Variants in DDX10 observed in about 807,000 individuals in gnomAD.
The protein encoded by DDX10 is DEAD-box helicase 10, also known as probable ATP-dependent RNA helicase DDX10.
Under a neutral mutation model 104.3 loss-of-function variants are expected in DDX10, and 74 were observed. The observed-to-expected ratio is 0.71, with a 90% CI of 0.59 to 0.86. The LOEUF (loss-of-function observed/expected upper bound fraction) is 0.86. DDX10 is among the 40% of genes least tolerant of loss of function. The pLI is 0.00. For synonymous variants in DDX10, 351 were observed against 353.4 expected (o/e 0.99, Z 0.08); for missense variants, 952 against 1,040.0 (o/e 0.92, Z 1.16).
At chr11:108,798,160 A>G (rs1025029074) in intron 13 of DDX10, among the ~76,000 whole-genome samples, 6 of 152,172 alleles carry the variant, frequency 3.9e-5, no homozygotes, top group African/African-American at 1.4e-4. Flanking sequence ...ATACTTACAG[A>G]AGAAAGGACT....
chr11:108,814,059 G>A (rs1434569871), intron 13 of DDX10, among the ~76,000 whole-genome samples: 1 of 152,068 alleles, frequency 6.6e-6, no homozygotes, highest in Non-Finnish European at 1.5e-5. Flanking sequence ...TCCACTGTAA[G>A]GGTTTATTTT....
chr11:108,838,385 A>G (rs1862585717), intron 13 of DDX10, 61 bp from the exon 14 acceptor site: 2 of 1,549,762 alleles, frequency 1.3e-6, no homozygotes, highest in Non-Finnish European at 1.7e-6. Flanking sequence ...CCAGAGTTGG[A>G]TTGTTAATAT....
intron 13 of DDX10, among the ~76,000 whole-genome samples, chr11:108,832,599 T>C (rs761975919): frequency 3.3e-5 from 5 of 152,180 alleles, no homozygotes; most frequent in Non-Finnish European, 7.4e-5. Flanking sequence ...AACTTAAAAC[T>C]TCCCCGAGGT....
intron 13 of DDX10, among the ~76,000 whole-genome samples, chr11:108,821,821 A>G (rs1040445166): frequency 1.3e-5 from 2 of 152,250 alleles, no homozygotes; most frequent in African/African-American, 4.8e-5. Flanking sequence ...ACCATTTTAG[A>G]TAAAAGGAAT....
intron 16 of DDX10, among the ~76,000 whole-genome samples, chr11:108,902,769 A>G (rs1863534889): frequency 6.6e-6 from 1 of 151,880 alleles, no homozygotes. Flanking sequence ...TTTCCTTTCT[A>G]ATTTTTCTCT....
At chr11:108,933,567 A>G (rs1195381444) in intron 17 of DDX10, among the ~76,000 whole-genome samples, 2 of 152,198 alleles carry the variant, frequency 1.3e-5, no homozygotes, top group African/African-American at 2.4e-5. Flanking sequence ...ATCTTTTTAT[A>G]ATCTTAAAAG....
chr11:108,715,695 G>C lies in DDX10; in HGVS notation c.1323-184G>C, dbSNP rs183476081. On this transcript the variant is annotated intron_variant, in intron 10 of 17. Transcript: ENST00000322536. ...GTCTGACATGTCATTTCTTTCTCCT[G>C]TGTTATTCATAGTAGGTAAGAGTGT... Among the ~76,000 whole-genome samples, 3 of 152,292 alleles carry C rather than the reference G, an allele frequency of 2.0e-5. No individual in the cohort carries two copies. In the East Asian group the frequency reaches 5.8e-4, roughly 29 times the overall value.
Position 108,678,429 on chromosome 11 carries a change from A to G in DDX10, c.652A>G (p.Met218Val). 1.3e-6 allele frequency: 2 copies of G among 1,589,112 alleles called. No individual in the cohort carries two copies. Among genetic ancestry groups the G allele is most frequent in the East Asian group, 2.2e-5 (1 of 44,592 alleles). ...TVSFHATDLQ[M>V]LVLDEADRIL... ...ATCTTTTCATGCTACCGACCTCCAA[A>G]TGTTAGGTGAGTCAAATCAATTTCT... is the stretch of plus-strand genomic sequence containing the variant. Residue 218 changes from methionine (M) to valine (V), a missense_variant, in exon 5 of 18, where the codon ATG becomes GTG. This residue lies in a region of DDX10 where 412 missense variants were observed against 479.2 expected (regional missense o/e 0.86). Transcript: ENST00000322536.
intron 13 of DDX10, among the ~76,000 whole-genome samples, chr11:108,725,829 G>A (rs754435596): frequency 6.6e-6 from 1 of 151,932 alleles, no homozygotes; most frequent in African/African-American, 2.4e-5. Flanking sequence ...ATTTATATAT[G>A]TGTCGTATCT....
intron 13 of DDX10, among the ~76,000 whole-genome samples, chr11:108,750,926 C>CTTTTTTT (rs10582729): frequency 2.9e-4 from 7 of 24,262 alleles, no homozygotes; most frequent in African/African-American, 5.7e-4. Flanking sequence ...CACCTGGTTA[C>CTTTTTTT]TTTTTTTTTT....
intron 8 of DDX10, 134 bp downstream of exon 8, chr11:108,692,172 T>C: frequency 2.6e-6 from 2 of 768,698 alleles, no homozygotes. Context: ...AAGTAAGTAG[T>C]AAATTGGTAG....
intron 13 of DDX10, among the ~76,000 whole-genome samples, chr11:108,749,193 C>T (rs547096505): frequency 9.9e-5 from 15 of 152,178 alleles, no homozygotes; most frequent in African/African-American, 3.6e-4. Flanking sequence ...AATCATCGTG[C>T]CTGGCCGTAT....
intron 16 of DDX10, among the ~76,000 whole-genome samples, chr11:108,865,850 G>A (rs1863002387): frequency 6.6e-6 from 1 of 152,120 alleles, no homozygotes; most frequent in Non-Finnish European, 1.5e-5. Context: ...GAGGAAATTT[G>A]TAAGTAGTGC....
intron 13 of DDX10, among the ~76,000 whole-genome samples, chr11:108,753,112 T>C (rs1184883890): frequency 1.3e-5 from 2 of 151,782 alleles, no homozygotes; most frequent in African/African-American, 4.8e-5. Flanking sequence ...GGGAGAACTC[T>C]ATAATGCATA....
At chr11:108,925,272 G>GAA (rs758951043) in intron 17 of DDX10, among the ~76,000 whole-genome samples, 1 of 152,176 alleles carries the variant, frequency 6.6e-6, no homozygotes, top group East Asian at 1.9e-4. Flanking sequence ...CACAGTTTGA[G>GAA]AAATTGGGAG....
At chr11:108,900,914 C>G (rs1200808009) in intron 16 of DDX10, among the ~76,000 whole-genome samples, 1 of 152,138 alleles carries the variant, frequency 6.6e-6, no homozygotes, top group Non-Finnish European at 1.5e-5. Flanking sequence ...TGTCTTGTGT[C>G]TTCGTTTATG....
chr11:108,699,348 T>C (rs2094264267), intron 9 of DDX10, among the ~76,000 whole-genome samples: 1 of 152,222 alleles, frequency 6.6e-6, no homozygotes, highest in South Asian at 2.1e-4. Flanking sequence ...GTGGTTCATC[T>C]GGGTCCTCTG....
chr11:108,681,018 GTGACAAT>G (rs1348975525), intron 6 of DDX10, among the ~76,000 whole-genome samples: 1 of 152,100 alleles, frequency 6.6e-6, no homozygotes, highest in African/African-American at 2.4e-5. Flanking sequence ...GAAAATTTTT[GTGACAAT>G]TAACAATTAA....
intron 16 of DDX10, among the ~76,000 whole-genome samples, chr11:108,907,332 C>CTT (rs58465136): frequency 0.45 from 65,712 of 144,802 alleles, 17,902 homozygotes; most frequent in Non-Finnish European, 0.61. Context: ...TCCATTGCCT[C>CTT]TTTTTTTTTT....
Sources: allele counts gnomAD v4.1 joint callset (sites outside exome capture counted in the v4.1 genomes callset), GRCh38; gene constraint gnomAD v4.1.1; regional missense constraint gnomAD v4.1.1; transcripts MANE v1.5; gene names NCBI Gene and HGNC (gene_info 2026-07-23, HGNC 2026-07-21).